RAD1: variants seen among roughly 807,000 people sequenced by gnomAD.
RAD1 encodes RAD1 checkpoint DNA exonuclease.
RAD1 carries 21 observed loss-of-function variants against 30.0 expected under a neutral mutation model. The ratio of observed to expected loss-of-function variants is 0.70; its 90% confidence interval spans 0.50 to 1.01. RAD1 has a LOEUF of 1.01. Among genes scored for constraint, RAD1 ranks in the 50% least tolerant of loss-of-function variants. The pLI, the probability that RAD1 is intolerant of heterozygous loss-of-function variation, is 0.00. For synonymous variants in RAD1, 109 were observed against 113.6 expected, an observed-to-expected ratio of 0.96 and a Z score of 0.26; for missense variants, 329 against 329.0, an observed-to-expected ratio of 1.00 and a Z score of 0.00.
intron 4 of RAD1, among the ~76,000 whole-genome samples, chr5:34,911,189 GAACT>G (rs1763826612): frequency 6.6e-6 from 1 of 152,144 alleles, no homozygotes; most frequent in Non-Finnish European, 1.5e-5. Flanking sequence ...TCTGCATCCT[GAACT>G]AACTTGAAAA....
chr5:34,915,301 C>T, intron 1 of RAD1, 115 bp downstream of exon 1: 1 of 271,838 alleles, frequency 3.7e-6, no homozygotes, highest in Non-Finnish European at 7.0e-6. Flanking sequence ...GATGGCGGGG[C>T]GGGCCCGGAG....
At position 34,905,891 on chromosome 5, in the gene RAD1, A is replaced by G. The variant is rs1055715606; in HGVS notation, c.*2874T>C. On this transcript the variant is annotated 3_prime_UTR_variant, in exon 6 of 6. Transcript: ENST00000382038. ...ACCTTGATGTTAGGGTGACTTAGAA[A>G]CAATTCATTAGTCTTTGAATTCTAA... The G allele has an allele frequency of 2.6e-5, 4 of 152,238 alleles. No homozygotes were observed. Among genetic ancestry groups the G allele is most frequent in the African/African-American group, 7.2e-5 (3 of 41,458 alleles). The allele number at this position is 152,238 out of a possible 1,614,324, so 9.4% of individuals were successfully genotyped here.
chr5:34,913,460 C>T lies in RAD1; in HGVS notation c.307+10G>A. The stretch of plus-strand genomic sequence containing the variant: ...AACACTTTTATGTCTTTATACTGAT[C>T]ATAGTTTACCTGGCATAGGACTTGA... On this transcript the variant is annotated intron_variant, in intron 3 of 5. Transcript: ENST00000382038. 2.0e-6 allele frequency: 3 copies of T among 1,483,572 alleles called. No individual in the cohort carries two copies. Among genetic ancestry groups the T allele is most frequent in the Non-Finnish European group, 9.2e-7 (1 of 1,081,566 alleles). The allele number at this position is 1,483,572 out of a possible 1,614,324, so 91.9% of individuals were successfully genotyped here.
At chr5:34,913,233 ACAATC>A (rs1057331312) in intron 3 of RAD1, among the ~76,000 whole-genome samples, 3 of 152,206 alleles carry the variant, frequency 2.0e-5, no homozygotes, top group African/African-American at 7.2e-5. Flanking sequence ...GTTCGAATTT[ACAATC>A]CCTCAAAGCC....
intron 2 of RAD1, chr5:34,913,910 G>A (rs1763944338): frequency 2.2e-6 from 1 of 452,626 alleles, no homozygotes; most frequent in Non-Finnish European, 4.5e-6. Flanking sequence ...TTGATACGGG[G>A]GTCTCACTAT....
In RAD1 at chr5:34,908,884, G is replaced by A. The variant is rs1561168024; in HGVS notation, c.730C>T (p.Arg244Trp). The A allele has an allele frequency of 3.1e-6, 5 of 1,612,926 alleles. No homozygotes were observed. The highest frequency in any genetic ancestry group is 4.2e-6 in the Non-Finnish European group (5 of 1,179,304). Residue 244 changes from arginine (R) to tryptophan (W), a missense_variant, in exon 6 of 6, where the codon CGG (arginine) becomes TGG (tryptophan). Coordinates refer to ENST00000382038, the MANE Select transcript of RAD1 (RefSeq NM_002853.4). ...ALVLSCKVSI[R>W]TDNRGFLSLQ... ...GAAAGGAAGCCTCTGTTATCTGTCC[G>A]AATAGATACCTTACAAGATAGGACT...
At position 34,911,602 on chromosome 5, in the gene RAD1, G is replaced by T; in HGVS notation, c.518C>A (p.Thr173Lys). 6.2e-7 allele frequency: 1 copy of T among 1,614,110 alleles called. No homozygotes were observed. The highest frequency in any genetic ancestry group is 8.5e-7 in the Non-Finnish European group (1 of 1,179,996). ...LREAFSELDM[T>K]SEVLQITMSP... is the part of the protein sequence containing the mutation. ...CATGGTAATTTGTAGGACTTCACTCGTCATATCCAATTCAGAAAATGCTTC... is the reference window on the plus strand; with the variant it reads ...CATGGTAATTTGTAGGACTTCACTCTTCATATCCAATTCAGAAAATGCTTC... Residue 173 changes from threonine (T) to lysine (K), a missense_variant, in exon 4 of 6, where the codon ACG becomes AAG. Transcript: ENST00000382038.
At chr5:34,914,455 T>G in intron 2 of RAD1, 1 of 523,668 alleles carries the variant, frequency 1.9e-6, no homozygotes, top group Non-Finnish European at 3.4e-6. Context: ...TAGTCATTAC[T>G]AACCATTATC....
chr5:34,913,888 TATG>T (rs1314250313), intron 2 of RAD1: 1 of 446,098 alleles, frequency 2.2e-6, no homozygotes, highest in Admixed American at 2.6e-5. Context: ...CAACTTTTAT[TATG>T]ATTTTTTATT....
chr5:34,905,681 A>G lies in RAD1; in HGVS notation c.*3084T>C, dbSNP rs572758767. The G allele has an allele frequency of 1.1e-4, 16 of 152,332 alleles. No individual in the cohort carries two copies. In the East Asian group the frequency reaches 2.9e-3, roughly 28 times the overall value. The allele number at this position is 152,332 out of a possible 1,614,324, so 9.4% of individuals were successfully genotyped here. A position where few individuals can be genotyped will look rare whatever the true frequency, so the allele number is the denominator to read the frequency against. On this transcript the variant is annotated 3_prime_UTR_variant, in exon 6 of 6. Coordinates refer to ENST00000382038, the MANE Select transcript of RAD1 (RefSeq NM_002853.4). Reference sequence around the variant, plus strand: ...AAGACAGAACTAAAAGTCTTTAAATATAAGACTGTATTCTTCTATATACTA... The same window carrying G: ...AAGACAGAACTAAAAGTCTTTAAATGTAAGACTGTATTCTTCTATATACTA...
rs1033788980 is a variant in RAD1, at chr5:34,907,327, G to A, written c.*1438C>T. 8.5e-5 allele frequency: 13 copies of A among 152,216 alleles called. No individual in the cohort carries two copies. The highest frequency in any genetic ancestry group is 3.1e-4 in the African/African-American group (13 of 41,526). The allele number at this position is 152,216 out of a possible 1,614,324, so 9.4% of individuals were successfully genotyped here. On this transcript the variant is annotated 3_prime_UTR_variant, in exon 6 of 6. Coordinates refer to ENST00000382038, the MANE Select transcript of RAD1 (RefSeq NM_002853.4). ...GTGGTCACAATGACTAGCATCAGTG[G>A]GTAAGGGCCAGAAAGGCTAAATGAA...
intron 3 of RAD1, 128 bp downstream of exon 3, chr5:34,913,342 G>A (rs1163789062): frequency 4.2e-6 from 2 of 480,184 alleles, no homozygotes; most frequent in African/African-American, 3.9e-5. Context: ...TAGAACCCAT[G>A]ACTGTGGCCA....
At chr5:34,914,490 AT>A in intron 2 of RAD1, 1 of 585,530 alleles carries the variant, frequency 1.7e-6, no homozygotes, top group Non-Finnish European at 3.0e-6. Context: ...TGGGAAAAGA[AT>A]TTGTTACCGG....
chr5:34,914,234 T>A (rs997104490), intron 2 of RAD1, among the ~76,000 whole-genome samples: 13 of 152,348 alleles, frequency 8.5e-5, no homozygotes, highest in African/African-American at 3.1e-4. Context: ...AAAGAGCATA[T>A]ATTCTGGAAA....
chr5:34,912,409 C>T (rs1003867006), intron 3 of RAD1, among the ~76,000 whole-genome samples: 2 of 152,172 alleles, frequency 1.3e-5, no homozygotes, highest in African/African-American at 4.8e-5. Context: ...AACTCCTTCT[C>T]CTTACTGGAT....
At position 34,913,552 on chromosome 5, in the gene RAD1, A is replaced by C. The variant is rs774686810; in HGVS notation, c.225T>G (p.Val75=). The C allele has an allele frequency of 5.0e-6, 8 of 1,597,362 alleles. No homozygotes were observed. Among genetic ancestry groups the C allele is most frequent in the Middle Eastern group, 1.7e-4 (1 of 6,010 alleles). Residue 75 remains valine (V), a synonymous_variant, in exon 3 of 6, where the codon GTT becomes GTG. Coordinates refer to ENST00000382038, the MANE Select transcript of RAD1 (RefSeq NM_002853.4). ...IQAGIFQEFK[V]QEESVTFRIN... ...TTCGAAAAGTAACAGACTCTTCCTG[A>C]ACTTTAAACTCCTGAAATATTCCAG...
In RAD1 at chr5:34,913,129, G is replaced by A. The variant is rs914918691; in HGVS notation, c.307+341C>T. ...TTGTTTTTCTCTGCCACTAACTAGC[G>A]GAGTAATTCTGGACAAGTTAGGAAA... On this transcript the variant is annotated intron_variant, in intron 3 of 5. Coordinates refer to ENST00000382038, the MANE Select transcript of RAD1 (RefSeq NM_002853.4). 3.9e-5 allele frequency among the ~76,000 whole-genome samples: 6 copies of A among 152,068 alleles called. No individual in the cohort carries two copies. The East Asian group carries it at 5.8e-4, about 15-fold the overall frequency.
At chr5:34,909,178 G>C (rs1040195368) in intron 5 of RAD1, 80 bp downstream of exon 5, 30 of 1,135,056 alleles carry the variant, frequency 2.6e-5, no homozygotes, top group African/African-American at 1.6e-4. Flanking sequence ...TTAACAGATT[G>C]AAAGTGTTTT....
Position 34,914,841 on chromosome 5 carries a change from C to A in RAD1, c.52G>T (p.Val18Leu), listed in dbSNP as rs1763989869. 2 of 1,614,052 alleles carry A rather than the reference C, an allele frequency of 1.2e-6. No individual in the cohort carries two copies. The highest frequency in any genetic ancestry group is 3.3e-5 in the Admixed American group (2 of 59,994). The change falls in exon 2 of 6, where the codon GTG becomes TTG. Residue 18 changes from valine to leucine, a missense_variant. Coordinates refer to ENST00000382038, the MANE Select transcript of RAD1 (RefSeq NM_002853.4). Reference protein sequence around the residue: ...IQDEDDQYSLVASLDNVRNLS... With the variant: ...IQDEDDQYSLLASLDNVRNLS... ...TTCCTAACGTTGTCAAGGCTGGCCA[C>A]AAGGCTGTACTGATCATCCTCGTCT...
Sources: allele counts gnomAD v4.1 joint callset (sites outside exome capture counted in the v4.1 genomes callset), GRCh38; gene constraint gnomAD v4.1.1; transcripts MANE v1.5; gene names NCBI Gene and HGNC (gene_info 2026-07-23, HGNC 2026-07-21).